The following GALNT3 variants were observed in gnomAD, a reference collection of about 807,000 sequenced individuals.
The protein encoded by GALNT3 is polypeptide N-acetylgalactosaminyltransferase 3.
Under a neutral mutation model 69.8 loss-of-function variants are expected in GALNT3, and 51 were observed. That is an observed-to-expected ratio of 0.73 (90% CI 0.58 to 0.92). The LOEUF (loss-of-function observed/expected upper bound fraction) is 0.92, where lower values mean the gene tolerates loss of function less well. Ranked by LOEUF, GALNT3 falls within the 40% of genes least tolerant of loss-of-function variation. The probability of loss-of-function intolerance (pLI) is 0.00; values close to 1 mark genes in which losing one functional copy is unlikely to be tolerated. For missense variants in GALNT3, 711 were observed against 760.0 expected (o/e 0.94, Z 0.76); for synonymous variants, 265 against 248.5 (o/e 1.07, Z -0.63).
chr2:165,754,570 A>G, intron 9 of GALNT3, 57 bp downstream of exon 9: 1 of 1,241,468 alleles, frequency 8.1e-7, no homozygotes. Flanking sequence ...AATAGGCAAC[A>G]TCTCACTTGT....
At chr2:165,754,035 A>C (rs542456284) in intron 9 of GALNT3, among the ~76,000 whole-genome samples, 46 of 152,134 alleles carry the variant, frequency 3.0e-4, no homozygotes, top group Non-Finnish European at 5.9e-4. Context: ...CTTTTTAAAA[A>C]AAATTTCAAA....
chr2:165,757,666 A>G (rs1688470637), intron 6 of GALNT3, among the ~76,000 whole-genome samples: 1 of 152,204 alleles, frequency 6.6e-6, no homozygotes, highest in Admixed American at 6.5e-5. Flanking sequence ...AAGTGGACTC[A>G]GACCCTATTT....
chr2:165,787,544 G>C (rs1057452226), intron 1 of GALNT3, among the ~76,000 whole-genome samples: 2 of 152,170 alleles, frequency 1.3e-5, no homozygotes, highest in Non-Finnish European at 2.9e-5. Flanking sequence ...GACAAACAGC[G>C]AGGCCATGGC....
At chr2:165,755,199 C>A in intron 7 of GALNT3, 136 bp from the exon 8 acceptor site, 2 of 815,870 alleles carry the variant, frequency 2.5e-6, no homozygotes. Context: ...ATTCAACAGC[C>A]TTCATCATTC....
At chr2:165,771,940 A>G (rs1688760401) in intron 1 of GALNT3, among the ~76,000 whole-genome samples, 1 of 152,172 alleles carries the variant, frequency 6.6e-6, no homozygotes, top group Admixed American at 6.5e-5. Context: ...TACTATTTCT[A>G]ATTGGAGTGC....
intron 2 of GALNT3, among the ~76,000 whole-genome samples, chr2:165,768,210 A>C (rs1012702541): frequency 1.3e-5 from 2 of 152,168 alleles, no homozygotes; most frequent in African/African-American, 2.4e-5. Flanking sequence ...AAATAATTAA[A>C]TCTTCACTCC....
In GALNT3 at chr2:165,780,641, G is replaced by T. The variant is rs527696969; in HGVS notation, c.-108-9833C>A. Among the ~76,000 whole-genome samples the T allele has an allele frequency of 9.6e-3, 998 of 103,684 alleles. 8 individuals carry two copies. The highest frequency in any genetic ancestry group is 0.031 in the African/African-American group (888 of 28,936). 68.0% of individuals were successfully genotyped at this position (103,684 alleles called of 152,430 possible). ...TTCATCTGCAAATCAGGTTTGAGGG[G>T]TTTTTTTGTTGTTGTTGTTGTTGTT... On this transcript the variant is annotated intron_variant, in intron 1 of 10. Coordinates refer to ENST00000392701, the MANE Select transcript of GALNT3 (RefSeq NM_004482.4).
At chr2:165,769,673 T>C (rs891731808) in intron 2 of GALNT3, among the ~76,000 whole-genome samples, 1 of 152,022 alleles carries the variant, frequency 6.6e-6, no homozygotes, top group African/African-American at 2.4e-5. Flanking sequence ...AAATAGGGCA[T>C]TCTGAAATAT....
At position 165,770,186 on chromosome 2, in the gene GALNT3, T is replaced by G. The variant is rs1451417846; in HGVS notation, c.515A>C (p.Glu172Ala). 1.2e-6 allele frequency: 2 copies of G among 1,614,036 alleles called. No homozygotes were observed. The highest frequency in any genetic ancestry group is 1.1e-5 in the South Asian group (1 of 91,060). Reference sequence around the variant, plus strand: ...AAACAATAAATATTCTTCAACATACTCAGGAGGTCGAGTGTCTGGTCCAAG... The same window carrying G: ...AAACAATAAATATTCTTCAACATACGCAGGAGGTCGAGTGTCTGGTCCAAG... ...RDLGPDTRPP[E>A]CIEQKFKRCP... The change falls in exon 2 of 11, where the codon GAA becomes GCA. Residue 172 changes from glutamate (E) to alanine (A), a missense_variant and splice_region_variant. By Grantham distance (107) the Glu-to-Ala change is moderately radical. Coordinates refer to ENST00000392701, the MANE Select transcript of GALNT3 (RefSeq NM_004482.4).
At chr2:165,772,825 T>C (rs1288944656) in intron 1 of GALNT3, among the ~76,000 whole-genome samples, 1 of 152,154 alleles carries the variant, frequency 6.6e-6, no homozygotes, top group Non-Finnish European at 1.5e-5. Context: ...ACAACTGATG[T>C]GGCTTGAAGG....
chr2:165,787,505 C>T (rs192462213), intron 1 of GALNT3, among the ~76,000 whole-genome samples: 1 of 152,132 alleles, frequency 6.6e-6, no homozygotes. Flanking sequence ...GAGGAACTAA[C>T]AAGCAAGAAG....
At chr2:165,780,917 T>C (rs1397550383) in intron 1 of GALNT3, among the ~76,000 whole-genome samples, 1 of 152,172 alleles carries the variant, frequency 6.6e-6, no homozygotes, top group Non-Finnish European at 1.5e-5. Context: ...ACCCAGATAA[T>C]GATGGGAAAC....
intron 4 of GALNT3, chr2:165,761,629 AGAG>A: frequency 1.6e-6 from 1 of 636,680 alleles, no homozygotes; most frequent in East Asian, 2.8e-5. Context: ...AAAAAAAAAA[AGAG>A]GCAAGGATAA....
At position 165,770,241 on chromosome 2, in the gene GALNT3, C is replaced by G. The variant is rs368590625; in HGVS notation, c.460G>C (p.Ala154Pro). Residue 154 changes from alanine (A) to proline (P), a missense_variant, in exon 2 of 11, where the codon GCA becomes CCA. By Grantham distance (27) the Ala-to-Pro change is conservative (BLOSUM62 -1). Transcript: ENST00000392701. ...CGGTGCAAAGAAATCCTGTCACTTG[C>G]GAAAGCATTAAAGCAGTGTTTAGCT... ...GEAKHCFNAF[A>P]SDRISLHRDL... 1 of 1,614,104 alleles carries G rather than the reference C, an allele frequency of 6.2e-7. No homozygotes were observed. The highest frequency in any genetic ancestry group is 8.5e-7 in the Non-Finnish European group (1 of 1,180,034).
intron 9 of GALNT3, among the ~76,000 whole-genome samples, chr2:165,751,721 T>C (rs1018246751): frequency 2.6e-5 from 4 of 152,144 alleles, no homozygotes; most frequent in African/African-American, 4.8e-5. Context: ...ACTAGTAATA[T>C]TGGCCAGCTT....
upstream of GALNT3, chr2:165,794,441 C>T (rs969548026): frequency 4.6e-5 from 7 of 152,490 alleles, no homozygotes; most frequent in Non-Finnish European, 8.8e-5. Context: ...CTGCTCCGCG[C>T]AAGTTGTGGC....
At chr2:165,793,446 G>C (rs1411273060) in intron 1 of GALNT3, among the ~76,000 whole-genome samples, 1 of 152,164 alleles carries the variant, frequency 6.6e-6, no homozygotes, top group African/African-American at 2.4e-5. Flanking sequence ...AGGGGTGTCC[G>C]CGTCCCGGCC....
At chr2:165,785,989 G>A (rs924695503) in intron 1 of GALNT3, among the ~76,000 whole-genome samples, 3 of 152,130 alleles carry the variant, frequency 2.0e-5, no homozygotes. Flanking sequence ...TACAAGTAAG[G>A]AATCCTACTC....
chr2:165,758,067 T>C (rs13431319), intron 6 of GALNT3, among the ~76,000 whole-genome samples: 77,931 of 151,954 alleles, frequency 0.51, 20,187 homozygotes, highest in Middle Eastern at 0.64. Context: ...CAACACGTGC[T>C]AGGGGTTGGA....
Sources: gnomAD v4.1 joint callset for allele counts (sites outside exome capture counted in the v4.1 genomes callset) on GRCh38, gnomAD v4.1.1 for gene constraint, MANE v1.5 for transcripts, NCBI Gene and HGNC (gene_info 2026-07-23, HGNC 2026-07-21) for gene names.